The following SPARCL1 variants were observed in gnomAD, a reference collection of about 807,000 sequenced individuals.
The protein encoded by SPARCL1 is SPARC-like protein 1.
Under a neutral mutation model 67.1 loss-of-function variants are expected in SPARCL1, and 52 were observed. The ratio of observed to expected loss-of-function variants is 0.78; its 90% confidence interval spans 0.62 to 0.98. The LOEUF is 0.98. Ranked by LOEUF, SPARCL1 falls within the 50% of genes least tolerant of loss-of-function variation. SPARCL1 has a pLI of 0.00. For synonymous variants in SPARCL1, 226 were observed against 267.8 expected (o/e 0.84, Z 1.52); for missense variants, 717 against 782.4 (o/e 0.92, Z 1.00).
chr4:87,509,293 G>C (rs1385233610), intron 1 of SPARCL1, among the ~76,000 whole-genome samples: 1 of 152,062 alleles, frequency 6.6e-6, no homozygotes, highest in African/African-American at 2.4e-5. Context: ...TATCAGGTAA[G>C]CACATTATTG....
At position 87,479,454 on chromosome 4, in the gene SPARCL1, C is replaced by T. The variant is rs760630272; in HGVS notation, c.1942G>A (p.Gly648Ser). 2 of 1,613,596 alleles carry T rather than the reference C, an allele frequency of 1.2e-6. No individual in the cohort carries two copies. The highest frequency in any genetic ancestry group is 1.7e-6 in the Non-Finnish European group (2 of 1,179,928). Residue 648 changes from glycine (G) to serine (S), a missense_variant, in exon 10 of 11, where the codon GGC (glycine) becomes AGC (serine). Coordinates refer to ENST00000282470, the MANE Select transcript of SPARCL1 (RefSeq NM_004684.6). ...CCTTCTTTAATTCCAAAGCAGTGGC[C>T]CCACTCCTTCAGGGTGATGTGCTTA... The part of the protein sequence containing the change: ...KDKHITLKEW[G>S]HCFGIKEEDI...
At chr4:87,483,804 G>C (rs1275139830) in intron 7 of SPARCL1, among the ~76,000 whole-genome samples, 3 of 152,140 alleles carry the variant, frequency 2.0e-5, no homozygotes, top group Non-Finnish European at 4.4e-5. Flanking sequence ...GTATCTCATT[G>C]TGGTTTTGAT....
intron 9 of SPARCL1, 132 bp downstream of exon 9, chr4:87,480,239 TA>T: frequency 1.6e-6 from 1 of 637,678 alleles, no homozygotes; most frequent in Non-Finnish European, 2.4e-6. Flanking sequence ...TTTAGACTCC[TA>T]ACCAGGCATT....
chr4:87,524,153 A>T (rs1185451356), intron 1 of SPARCL1, among the ~76,000 whole-genome samples: 4 of 152,244 alleles, frequency 2.6e-5, no homozygotes, highest in African/African-American at 9.6e-5. Flanking sequence ...AGTTAATGAA[A>T]GATAAGATGT....
At chr4:87,493,503 TGAGAGCACA>T in intron 4 of SPARCL1, 70 bp downstream of exon 4, 1 of 1,315,248 alleles carries the variant, frequency 7.6e-7, no homozygotes, top group Non-Finnish European at 1.1e-6. Context: ...CAGGACACTG[TGAGAGCACA>T]GAGAAAGGTC....
chr4:87,520,646 AG>A lies in SPARCL1; in HGVS notation c.-12+8398del, dbSNP rs142710799. Among the ~76,000 whole-genome samples, 350 of 152,326 alleles carry A rather than the reference AG, an allele frequency of 2.3e-3. 2 individuals are homozygous for A. The highest frequency in any genetic ancestry group is 8.1e-3 in the African/African-American group (337 of 41,576). ...TGTTTAGTTTCCTTTTGTATCAAAA[AG>A]ATTGGCTTTCACCATGGGAGAGGTT... On this transcript the variant is annotated intron_variant, in intron 1 of 10. Transcript: ENST00000282470.
At chr4:87,517,019 C>T (rs1285370665) in intron 1 of SPARCL1, among the ~76,000 whole-genome samples, 1 of 152,164 alleles carries the variant, frequency 6.6e-6, no homozygotes, top group Non-Finnish European at 1.5e-5. Flanking sequence ...GTCCACCACA[C>T]CCTGTCCTGT....
chr4:87,521,480 A>G (rs866903118), intron 1 of SPARCL1, among the ~76,000 whole-genome samples: 1 of 152,142 alleles, frequency 6.6e-6, no homozygotes, highest in African/African-American at 2.4e-5. Flanking sequence ...TATTGCTTCA[A>G]GTCTTTCTAA....
chr4:87,518,439 C>G (rs1725671084), intron 1 of SPARCL1, among the ~76,000 whole-genome samples: 1 of 152,176 alleles, frequency 6.6e-6, no homozygotes, highest in African/African-American at 2.4e-5. Context: ...ATGATCCAAT[C>G]CAGAGTGTTT....
At chr4:87,513,419 C>G (rs1725456131) in intron 1 of SPARCL1, among the ~76,000 whole-genome samples, 1 of 152,224 alleles carries the variant, frequency 6.6e-6, no homozygotes, top group Non-Finnish European at 1.5e-5. Flanking sequence ...GCCAGAAGTT[C>G]TGGCTTTGGG....
chr4:87,524,812 A>G (rs945078478), intron 1 of SPARCL1, among the ~76,000 whole-genome samples: 10 of 152,164 alleles, frequency 6.6e-5, no homozygotes, highest in African/African-American at 2.2e-4. Flanking sequence ...AAAACCATGA[A>G]AAAGAATTGT....
intron 1 of SPARCL1, among the ~76,000 whole-genome samples, chr4:87,522,639 A>G (rs1725865318): frequency 9.2e-6 from 1 of 109,020 alleles, no homozygotes; most frequent in Non-Finnish European, 1.8e-5. Context: ...CACCACCACC[A>G]AACACACACA....
chr4:87,487,483 C>T (rs1223596751), intron 7 of SPARCL1, among the ~76,000 whole-genome samples: 2 of 152,150 alleles, frequency 1.3e-5, no homozygotes, highest in Non-Finnish European at 2.9e-5. Context: ...GATGGGCTTC[C>T]CTTTGTGGGT....
Position 87,519,058 on chromosome 4 carries a change from C to G in SPARCL1, c.-12+9987G>C, listed in dbSNP as rs187118346. The stretch of plus-strand genomic sequence containing the variant: ...ATTTTTGTATATCTCAGGGTACCTT[C>G]CTATCAAGTCCCTATCTTTTTTTTT... On this transcript the variant is annotated intron_variant, in intron 1 of 10. Coordinates refer to ENST00000282470, the MANE Select transcript of SPARCL1 (RefSeq NM_004684.6). Among the ~76,000 whole-genome samples the G allele has an allele frequency of 1.4e-3, 208 of 151,978 alleles. 4 individuals carry two copies. Among genetic ancestry groups the G allele is most frequent in the Non-Finnish European group, 2.8e-4 (19 of 67,966 alleles).
intron 1 of SPARCL1, among the ~76,000 whole-genome samples, chr4:87,526,525 C>T (rs138766779): frequency 2.8e-4 from 42 of 152,178 alleles, no homozygotes; most frequent in African/African-American, 9.9e-4. Context: ...TATTATTATC[C>T]CCATTTTGCT....
At chr4:87,478,379 G>T (rs369164883) in intron 10 of SPARCL1, among the ~76,000 whole-genome samples, 52 of 151,218 alleles carry the variant, frequency 3.4e-4, no homozygotes, top group African/African-American at 1.2e-3. Context: ...TCATTTTTGT[G>T]TGTGTGTGTG....
chr4:87,513,836 T>C (rs78791295), intron 1 of SPARCL1, among the ~76,000 whole-genome samples: 8,415 of 152,260 alleles, frequency 0.055, 742 homozygotes, highest in African/African-American at 0.19. Context: ...ACCTATCCTA[T>C]ATTCTATACT....
chr4:87,476,573 TA>T (rs1260653132), intron 10 of SPARCL1, among the ~76,000 whole-genome samples: 3 of 152,190 alleles, frequency 2.0e-5, no homozygotes, highest in Admixed American at 6.5e-5. Flanking sequence ...TTAAATGGCT[TA>T]GGGGAACTTG....
intron 1 of SPARCL1, among the ~76,000 whole-genome samples, chr4:87,509,232 C>G (rs1725246538): frequency 6.6e-6 from 1 of 152,016 alleles, no homozygotes; most frequent in South Asian, 2.1e-4. Context: ...GTTCTAGGCA[C>G]TATTCTAAGA....
Sources: gnomAD v4.1 joint callset for allele counts (sites outside exome capture counted in the v4.1 genomes callset) on GRCh38, gnomAD v4.1.1 for gene constraint, MANE v1.5 for transcripts, NCBI Gene and HGNC (gene_info 2026-07-23, HGNC 2026-07-21) for gene names.